Variants in PINX1 observed in about 807,000 individuals in gnomAD.
The protein encoded by PINX1 is PIN2 (TERF1) interacting telomerase inhibitor 1.
In PINX1, 34 loss-of-function variants were observed where a neutral mutation model predicts 25.4. The observed-to-expected ratio is 1.34, with a 90% CI of 1.02 to 1.78. The LOEUF is 1.78. Among genes scored for constraint, PINX1 ranks in the 40% most tolerant of loss-of-function variants. The pLI, the probability that PINX1 is intolerant of heterozygous loss-of-function variation, is 0.00. For missense variants in PINX1, 592 were observed against 404.9 expected (o/e 1.46, Z -3.97); for synonymous variants, 197 against 147.7 (o/e 1.33, Z -2.42).
At chr8:10,799,910 C>G (rs12679155) in intron 6 of PINX1, among the ~76,000 whole-genome samples, 7,897 of 152,220 alleles carry the variant, frequency 0.052, 577 homozygotes, top group East Asian at 0.3. Flanking sequence ...CTGAGTTAGT[C>G]CTTACTGGGC....
Position 10,767,688 on chromosome 8 carries a change from G to T in PINX1, c.472-1772C>A, listed in dbSNP as rs1253847684. Among the ~76,000 whole-genome samples, 3 of 152,112 alleles carry T rather than the reference G, an allele frequency of 2.0e-5. No homozygotes were observed. In the East Asian group the frequency reaches 5.8e-4, roughly 29 times the overall value. On this transcript the variant is annotated intron_variant, in intron 6 of 6. Coordinates refer to ENST00000314787, the MANE Select transcript of PINX1 (RefSeq NM_017884.6). ...GAGCCAATCCCAGGCTCATGAACAAGAAAGATCCTGCCTCCCAAAGACGGG... is the reference window on the plus strand; with the variant it reads ...GAGCCAATCCCAGGCTCATGAACAATAAAGATCCTGCCTCCCAAAGACGGG...
intron 5 of PINX1, among the ~76,000 whole-genome samples, chr8:10,824,543 C>T (rs763235547): frequency 8.1e-4 from 123 of 152,218 alleles, no homozygotes; most frequent in African/African-American, 2.4e-3. Context: ...AACGAAGGCA[C>T]GAGGCACTCA....
Position 10,834,689 on chromosome 8 carries a change from T to G in PINX1, c.106A>C (p.Lys36Gln). ...DSKFGQRMLE[K>Q]MGWSKGKGLG... ...ACCTTTCCTTTAGACCACCCCATCT[T>G]CTCTAGCATCCGCTGGCCAAACTTG... Residue 36 changes from lysine (K) to glutamine (Q), a missense_variant, in exon 2 of 7, where the codon AAG becomes CAG. Physicochemically the swap from Lys to Gln is moderately conservative, Grantham distance 53. Transcript: ENST00000314787. 1 of 1,613,770 alleles carries G rather than the reference T, an allele frequency of 6.2e-7. No individual in the cohort carries two copies. The highest frequency in any genetic ancestry group is 8.5e-7 in the Non-Finnish European group (1 of 1,179,782).
At chr8:10,805,560 G>A (rs903620508) in intron 6 of PINX1, among the ~76,000 whole-genome samples, 2 of 145,016 alleles carry the variant, frequency 1.4e-5, no homozygotes, top group Admixed American at 7.0e-5. Flanking sequence ...ACAGGAAGGG[G>A]CCACACTAGT....
chr8:10,814,888 G>A (rs561678869), intron 6 of PINX1, among the ~76,000 whole-genome samples: 1 of 152,334 alleles, frequency 6.6e-6, no homozygotes, highest in African/African-American at 2.4e-5. Flanking sequence ...GCTAGCCAGT[G>A]TATGCCACAA....
chr8:10,817,642 G>A (rs960703091), intron 6 of PINX1, among the ~76,000 whole-genome samples: 3 of 152,128 alleles, frequency 2.0e-5, no homozygotes, highest in African/African-American at 7.2e-5. Context: ...CTGCCTAGAC[G>A]CGACCTCCTC....
chr8:10,811,127 G>T (rs111366071), intron 6 of PINX1, among the ~76,000 whole-genome samples: 1 of 152,198 alleles, frequency 6.6e-6, no homozygotes, highest in South Asian at 2.1e-4. Context: ...GTTCTTCATG[G>T]CTTATTATTT....
intron 5 of PINX1, among the ~76,000 whole-genome samples, chr8:10,825,022 C>T (rs578069327): frequency 3.9e-5 from 6 of 152,242 alleles, no homozygotes; most frequent in Admixed American, 1.3e-4. Context: ...AGAGAAAGAA[C>T]GGAGGAAGCG....
intron 6 of PINX1, among the ~76,000 whole-genome samples, chr8:10,796,459 G>C (rs892240899): frequency 6.6e-6 from 1 of 152,144 alleles, no homozygotes; most frequent in African/African-American, 2.4e-5. Context: ...CCCTTCCAGA[G>C]AGCAGCTTGG....
chr8:10,828,148 A>G (rs1404528935), intron 4 of PINX1, among the ~76,000 whole-genome samples: 3 of 152,134 alleles, frequency 2.0e-5, no homozygotes, highest in Non-Finnish European at 4.4e-5. Flanking sequence ...ACTTGAGGCA[A>G]AGCCCAGCAC....
rs944871936 is a variant in PINX1, at chr8:10,833,488, C to T, written c.130-504G>A. The T allele has an allele frequency of 1.9e-5, 3 of 156,854 alleles. No individual in the cohort carries two copies. The East Asian group carries it at 5.7e-4, about 30-fold the overall frequency. The allele number at this position is 156,854 out of a possible 1,614,324, so 9.7% of individuals were successfully genotyped here. A position where few individuals can be genotyped will look rare whatever the true frequency, so the allele number is the denominator to read the frequency against. On this transcript the variant is annotated intron_variant, in intron 2 of 6. Transcript: ENST00000314787. Reference sequence around the variant, plus strand: ...GAAGGGAGGCAGCTGAGAGTCTGACCAGTCAGTGAGCTCAAGTGATGACAG... The same window carrying T: ...GAAGGGAGGCAGCTGAGAGTCTGACTAGTCAGTGAGCTCAAGTGATGACAG...
intron 6 of PINX1, among the ~76,000 whole-genome samples, chr8:10,797,035 T>G (rs1802104948): frequency 1.3e-5 from 2 of 151,890 alleles, no homozygotes; most frequent in African/African-American, 4.8e-5. Context: ...CCCCACAGCT[T>G]GAATGGAAGC....
intron 6 of PINX1, among the ~76,000 whole-genome samples, chr8:10,790,598 A>G (rs1801893023): frequency 6.6e-6 from 1 of 152,072 alleles, no homozygotes; most frequent in Non-Finnish European, 1.5e-5. Context: ...CGACCTCCCA[A>G]CATGACTCCA....
intron 6 of PINX1, among the ~76,000 whole-genome samples, chr8:10,780,558 A>G (rs1284983679): frequency 6.6e-6 from 1 of 152,150 alleles, no homozygotes; most frequent in Non-Finnish European, 1.5e-5. Context: ...TAAATCCCAA[A>G]CAAATGAAAA....
chr8:10,783,070 G>C (rs1273918536), intron 6 of PINX1, among the ~76,000 whole-genome samples: 1 of 152,080 alleles, frequency 6.6e-6, no homozygotes, highest in Non-Finnish European at 1.5e-5. Context: ...TAGATTGCAA[G>C]AAATTTAAAA....
chr8:10,785,303 T>A (rs962172752), intron 6 of PINX1, among the ~76,000 whole-genome samples: 2 of 152,232 alleles, frequency 1.3e-5, no homozygotes, highest in African/African-American at 4.8e-5. Context: ...TATGGAAGGA[T>A]TGGCGTAGCA....
chr8:10,836,591 A>C (rs1272521104), intron 1 of PINX1, among the ~76,000 whole-genome samples: 1 of 150,614 alleles, frequency 6.6e-6, no homozygotes, highest in Non-Finnish European at 1.5e-5. Context: ...TGCCTACACA[A>C]GAGATTAGCT....
At chr8:10,830,317 T>C (rs546465944) in intron 4 of PINX1, among the ~76,000 whole-genome samples, 73 of 152,346 alleles carry the variant, frequency 4.8e-4, no homozygotes, top group African/African-American at 1.6e-3. Flanking sequence ...CTTCACACTG[T>C]TGGGCTCACT....
intron 6 of PINX1, among the ~76,000 whole-genome samples, chr8:10,790,929 T>C (rs916933777): frequency 6.6e-6 from 1 of 152,132 alleles, no homozygotes; most frequent in African/African-American, 2.4e-5. Context: ...CCAGTTTTTA[T>C]TGAGACAGAG....
Sources: gnomAD v4.1 joint callset for allele counts (sites outside exome capture counted in the v4.1 genomes callset) on GRCh38, gnomAD v4.1.1 for gene constraint, MANE v1.5 for transcripts, NCBI Gene and HGNC (gene_info 2026-07-23, HGNC 2026-07-21) for gene names.